Variants in PDE3B observed in about 807,000 individuals in gnomAD.
The protein encoded by PDE3B is phosphodiesterase 3B.
PDE3B carries 66 observed loss-of-function variants against 116.8 expected under a neutral mutation model. The observed-to-expected ratio is 0.56, with a 90% CI of 0.46 to 0.69. PDE3B has a LOEUF of 0.69. Among genes scored for constraint, PDE3B ranks in the 30% least tolerant of loss-of-function variants. PDE3B has a pLI of 0.00. For synonymous variants in PDE3B, 595 were observed against 533.6 expected, an observed-to-expected ratio of 1.12 and a Z score of -1.59; for missense variants, 1,384 against 1,368.1, an observed-to-expected ratio of 1.01 and a Z score of -0.18.
intron 1 of PDE3B, among the ~76,000 whole-genome samples, chr11:14,712,820 C>A (rs1855749660): frequency 6.6e-6 from 1 of 152,124 alleles, no homozygotes; most frequent in Non-Finnish European, 1.5e-5. Flanking sequence ...ATTGATTTAA[C>A]CAATTTTCTT....
chr11:14,643,974 CA>C lies in PDE3B; in HGVS notation c.-101del. 2.2e-6 allele frequency: 3 copies of C among 1,374,664 alleles called. No homozygotes were observed. The highest frequency in any genetic ancestry group is 2.8e-6 in the Non-Finnish European group (3 of 1,071,850). 85.2% of individuals were successfully genotyped at this position (1,374,664 alleles called of 1,614,324 possible). A position where few individuals can be genotyped will look rare whatever the true frequency, so the allele number is the denominator to read the frequency against. Reference sequence around the variant, plus strand: ...GGCGCAGCCCTGACGGGTTGCGAACCAGGGGGCGCCCCGAACGCGGGGGTTG... The same window carrying C: ...GGCGCAGCCCTGACGGGTTGCGAACCGGGGGCGCCCCGAACGCGGGGGTTG... On this transcript the variant is annotated 5_prime_UTR_variant, in exon 1 of 16. Coordinates refer to ENST00000282096, the MANE Select transcript of PDE3B (RefSeq NM_000922.4).
At chr11:14,672,157 G>A (rs1854391120) in intron 1 of PDE3B, among the ~76,000 whole-genome samples, 1 of 150,920 alleles carries the variant, frequency 6.6e-6, no homozygotes, top group South Asian at 2.1e-4. Flanking sequence ...TAGATTCTGA[G>A]TTTCTTAAGC....
rs769447735 is a variant in PDE3B, at chr11:14,786,527, C to T, written c.1120C>T (p.Pro374Ser). The change falls in exon 3 of 16, where the codon CCA (proline) becomes TCA (serine). Residue 374 changes from proline (P) to serine (S), a missense_variant. By Grantham distance (74) the Pro-to-Ser change is moderately conservative (BLOSUM62 -1). Around this residue, in one of 2 missense-constraint regions of PDE3B, gnomAD observed 956 missense variants for 806.8 expected, o/e 1.18. Coordinates refer to ENST00000282096, the MANE Select transcript of PDE3B (RefSeq NM_000922.4). Reference protein sequence around the residue: ...SDLLTDPSLPPQVISSLRSIS... With the variant: ...SDLLTDPSLPSQVISSLRSIS... ...TCTTCTGACTGATCCAAGCCTTCCA[C>T]CACAAGTCATTTCCTCTCTACGGAG... 55 of 1,613,074 alleles carry T rather than the reference C, an allele frequency of 3.4e-5. No homozygotes were observed. Among genetic ancestry groups the T allele is most frequent in the Non-Finnish European group, 4.7e-5 (55 of 1,179,312 alleles).
intron 1 of PDE3B, chr11:14,700,564 T>A (rs1307710708): frequency 2.6e-5 from 4 of 151,776 alleles, no homozygotes; most frequent in Non-Finnish European, 4.4e-5. Context: ...TAGGGTATTA[T>A]TTTTCAAAAC....
chr11:14,851,932 C>G (rs1156561997), intron 12 of PDE3B, among the ~76,000 whole-genome samples: 1 of 152,144 alleles, frequency 6.6e-6, no homozygotes, highest in African/African-American at 2.4e-5. Flanking sequence ...AAATAGTTAT[C>G]TGATATGATT....
chr11:14,809,989 G>T (rs1426620456), intron 5 of PDE3B, among the ~76,000 whole-genome samples: 2 of 151,734 alleles, frequency 1.3e-5, no homozygotes, highest in Non-Finnish European at 2.9e-5. Flanking sequence ...ATAATTATCT[G>T]GTAGAAGACT....
chr11:14,894,273 T>C, the PDE3B span, among the ~76,000 whole-genome samples: 1 of 152,192 alleles, frequency 6.6e-6, no homozygotes, highest in African/African-American at 2.4e-5. Flanking sequence ...ATTTGGTCTC[T>C]AGTTTCTTAC....
chr11:14,893,864 G>T, the PDE3B span, among the ~76,000 whole-genome samples: 2 of 152,142 alleles, frequency 1.3e-5, no homozygotes, highest in Non-Finnish European at 2.9e-5. Context: ...TTAGTATGTG[G>T]ACCTATTGGG....
At chr11:14,880,074 C>G in the PDE3B span, 2 of 1,576,812 alleles carry the variant, frequency 1.3e-6, no homozygotes, top group East Asian at 4.5e-5. Flanking sequence ...GGCCAAGACT[C>G]AAAAACATGT....
intron 1 of PDE3B, among the ~76,000 whole-genome samples, chr11:14,677,781 T>C (rs967765005): frequency 6.6e-6 from 1 of 152,242 alleles, no homozygotes; most frequent in Non-Finnish European, 1.5e-5. Flanking sequence ...ATAAGTGAAA[T>C]CACACAGCAT....
intron 1 of PDE3B, among the ~76,000 whole-genome samples, chr11:14,738,063 G>A (rs550175216): frequency 1.5e-4 from 23 of 152,114 alleles, no homozygotes; most frequent in African/African-American, 4.3e-4. Context: ...ATTGTGAATA[G>A]GGCCACAATA....
At chr11:14,855,730 C>CT (rs1847837163) in intron 12 of PDE3B, among the ~76,000 whole-genome samples, 1 of 151,952 alleles carries the variant, frequency 6.6e-6, no homozygotes, top group Non-Finnish European at 1.5e-5. Context: ...AAGATTATGA[C>CT]TTAAGAGCTA....
intron 2 of PDE3B, chr11:14,773,422 C>A (rs1233472120): frequency 6.6e-6 from 1 of 151,922 alleles, no homozygotes; most frequent in Non-Finnish European, 1.5e-5. Context: ...TAAATTCTTA[C>A]TTTTCATAAT....
At chr11:14,722,207 G>T (rs1422673476) in intron 1 of PDE3B, among the ~76,000 whole-genome samples, 1 of 151,524 alleles carries the variant, frequency 6.6e-6, no homozygotes, top group East Asian at 2.0e-4. Context: ...TATGCCTAAT[G>T]TTAAATGACG....
chr11:14,846,052 T>C (rs996707871), intron 12 of PDE3B, among the ~76,000 whole-genome samples: 1 of 151,890 alleles, frequency 6.6e-6, no homozygotes, highest in Non-Finnish European at 1.5e-5. Context: ...TTCACCAAAG[T>C]TGAAATGAAG....
At chr11:14,673,426 C>G (rs1160199592) in intron 1 of PDE3B, among the ~76,000 whole-genome samples, 1 of 151,870 alleles carries the variant, frequency 6.6e-6, no homozygotes, top group Non-Finnish European at 1.5e-5. Context: ...GAAAAAGGAT[C>G]TATTACCCCT....
intron 11 of PDE3B, among the ~76,000 whole-genome samples, chr11:14,841,501 T>A (rs574684317): frequency 1.5e-4 from 23 of 150,190 alleles, no homozygotes; most frequent in Non-Finnish European, 3.1e-4. Context: ...CTTATAGCGA[T>A]CAGTCTCTTT....
intron 1 of PDE3B, among the ~76,000 whole-genome samples, chr11:14,666,991 T>G (rs2133773185): frequency 6.6e-6 from 1 of 152,032 alleles, no homozygotes; most frequent in East Asian, 1.9e-4. Context: ...ACACGTATGT[T>G]TATTGCGGCA....
chr11:14,844,510 G>A (rs911886211), intron 12 of PDE3B, among the ~76,000 whole-genome samples: 8 of 152,346 alleles, frequency 5.3e-5, no homozygotes, highest in African/African-American at 7.2e-5. Flanking sequence ...AGCGCACCGT[G>A]CGCGAGCCGA....
Sources: allele counts gnomAD v4.1 joint callset (sites outside exome capture counted in the v4.1 genomes callset), GRCh38; gene constraint gnomAD v4.1.1; regional missense constraint gnomAD v4.1.1; transcripts MANE v1.5; gene names NCBI Gene and HGNC (gene_info 2026-07-23, HGNC 2026-07-21).